ACSM3: variants seen among roughly 807,000 people sequenced by gnomAD.
The protein encoded by ACSM3 is acyl-coenzyme A synthetase ACSM3, mitochondrial.
Under a neutral mutation model 74.1 loss-of-function variants are expected in ACSM3, and 61 were observed. That is an observed-to-expected ratio of 0.82 (90% CI 0.67 to 1.02). ACSM3 has a LOEUF of 1.02. Ranked by LOEUF, ACSM3 falls within the 50% of genes least tolerant of loss-of-function variation. The pLI is 0.00. For missense variants in ACSM3, 660 were observed against 697.0 expected (o/e 0.95, Z 0.60); for synonymous variants, 213 against 241.5 (o/e 0.88, Z 1.09).
rs71377684 is a variant in ACSM3, at chr16:20,774,239, C to CTTT, written c.220-1581_220-1579dup. Among the ~76,000 whole-genome samples, 529 of 113,990 alleles carry CTTT rather than the reference C, an allele frequency of 4.6e-3. 19 individuals are homozygous for CTTT. The highest frequency in any genetic ancestry group is 0.014 in the African/African-American group (403 of 29,342). The allele number at this position is 113,990 out of a possible 152,430, so 74.8% of individuals were successfully genotyped here. A position where few individuals can be genotyped will look rare whatever the true frequency, so the allele number is the denominator to read the frequency against. ...TTTTCCATCTCTTCATTTTCTGTGT[C>CTTT]TTTTTTTTTTTTTTTTTTTTTGAGA... is the stretch of plus-strand genomic sequence containing the variant. On this transcript the variant is annotated intron_variant, in intron 2 of 13. Coordinates refer to ENST00000289416, the MANE Select transcript of ACSM3 (RefSeq NM_005622.4).
At chr16:20,764,482 C>T (rs557427338) in intron 1 of ACSM3, among the ~76,000 whole-genome samples, 1 of 152,054 alleles carries the variant, frequency 6.6e-6, no homozygotes, top group African/African-American at 2.4e-5. Context: ...CTTTAGGAGG[C>T]TATGGTGGGC....
At chr16:20,696,740 T>C (rs1853690200) in intron 1 of ACSM3, among the ~76,000 whole-genome samples, 2 of 152,228 alleles carry the variant, frequency 1.3e-5, no homozygotes, top group African/African-American at 4.8e-5. Context: ...TATTCCCAGA[T>C]ACATAGTGCC....
intron 1 of ACSM3, among the ~76,000 whole-genome samples, chr16:20,715,545 A>G (rs1359612305): frequency 6.6e-6 from 1 of 152,114 alleles, no homozygotes; most frequent in Non-Finnish European, 1.5e-5. Context: ...TGGAGGTTGC[A>G]GTGAACCGAG....
chr16:20,701,231 T>A (rs2079711941), intron 1 of ACSM3, among the ~76,000 whole-genome samples: 1 of 152,194 alleles, frequency 6.6e-6, no homozygotes, highest in Admixed American at 6.5e-5. Context: ...TTTTTCCTGC[T>A]TATAGGCTGT....
intron 1 of ACSM3, among the ~76,000 whole-genome samples, chr16:20,765,247 T>G (rs2080113444): frequency 6.6e-6 from 1 of 152,184 alleles, no homozygotes; most frequent in Admixed American, 6.5e-5. Flanking sequence ...TCTCAGCAAT[T>G]TTACCTACAA....
chr16:20,797,359 C>T lies in ACSM3; in HGVS notation c.*387C>T. ...TCAAGCCTGAAATAAAACTAAAGAACTTATAAAAGTTTTTAGAAAAATATA... is the reference window on the plus strand; with the variant it reads ...TCAAGCCTGAAATAAAACTAAAGAATTTATAAAAGTTTTTAGAAAAATATA... On this transcript the variant is annotated 3_prime_UTR_variant, in exon 14 of 14. Transcript: ENST00000289416. 2.0e-6 allele frequency: 2 copies of T among 994,972 alleles called. No homozygotes were observed. Among genetic ancestry groups the T allele is most frequent in the Non-Finnish European group, 2.4e-6 (2 of 833,994 alleles). The allele number at this position is 994,972 out of a possible 1,614,324, so 61.6% of individuals were successfully genotyped here. A position where few individuals can be genotyped will look rare whatever the true frequency, so the allele number is the denominator to read the frequency against.
At chr16:20,778,757 C>CT (rs376175401) in intron 4 of ACSM3, among the ~76,000 whole-genome samples, 10,435 of 146,518 alleles carry the variant, frequency 0.071, 483 homozygotes, top group Admixed American at 0.12. Context: ...GCTATAGATA[C>CT]TTTTTTTTTT....
intron 1 of ACSM3, among the ~76,000 whole-genome samples, chr16:20,766,267 A>T (rs2080123940): frequency 6.6e-6 from 1 of 151,866 alleles, no homozygotes; most frequent in Non-Finnish European, 1.5e-5. Context: ...TTGCAAAATT[A>T]TACAAAAACT....
chr16:20,708,766 A>G (rs767057187), intron 1 of ACSM3, among the ~76,000 whole-genome samples: 2 of 152,234 alleles, frequency 1.3e-5, no homozygotes, highest in Non-Finnish European at 2.9e-5. Flanking sequence ...GAAAAAAACA[A>G]TTCTAAAATT....
chr16:20,711,428 G>A lies in ACSM3; in HGVS notation c.-190+36606G>A, dbSNP rs563943571. On this transcript the variant is annotated intron_variant, in intron 1 of 3. Transcript: ENST00000561584. ...AAGCCCAAATCTTCCACCGTCCACA[G>A]AGTCTCACTTAAGGGATGGCGGTTC... 21 of 820,596 alleles carry A rather than the reference G, an allele frequency of 2.6e-5. No individual in the cohort carries two copies. In the South Asian group the frequency reaches 2.6e-4, roughly 10 times the overall value. The allele number at this position is 820,596 out of a possible 1,614,324, so 50.8% of individuals were successfully genotyped here.
At chr16:20,741,899 G>C in intron 1 of ACSM3, 2 of 1,534,602 alleles carry the variant, frequency 1.3e-6, no homozygotes, top group Non-Finnish European at 1.7e-6. Context: ...AGGCCGGTCT[G>C]CAATCGTGAA....
At chr16:20,723,128 G>A (rs1309640423) in intron 1 of ACSM3, among the ~76,000 whole-genome samples, 4 of 152,006 alleles carry the variant, frequency 2.6e-5, no homozygotes, top group East Asian at 1.9e-4. Context: ...GTAAGAACAT[G>A]CGGTGTTTGG....
At chr16:20,762,585 G>T (rs2080086840), upstream of ACSM3, among the ~76,000 whole-genome samples, 2 of 152,150 alleles carry the variant, frequency 1.3e-5, no homozygotes, top group Admixed American at 6.5e-5. Flanking sequence ...ACCAAGCAAG[G>T]TTTATTCCAG....
intron 1 of ACSM3, among the ~76,000 whole-genome samples, chr16:20,717,216 T>C (rs1290303408): frequency 6.6e-6 from 1 of 152,188 alleles, no homozygotes; most frequent in East Asian, 1.9e-4. Context: ...CATCTCTTCC[T>C]CATGACTCTT....
intron 10 of ACSM3, among the ~76,000 whole-genome samples, chr16:20,791,313 C>G (rs1410394340): frequency 6.6e-6 from 1 of 152,176 alleles, no homozygotes; most frequent in African/African-American, 2.4e-5. Context: ...ACAAACCTGT[C>G]TGCTCTTTAT....
At chr16:20,780,246 C>A in intron 4 of ACSM3, 1 of 183,822 alleles carries the variant, frequency 5.4e-6, no homozygotes, top group East Asian at 1.5e-4. Flanking sequence ...CAGATTTTGC[C>A]AGTAGGCTGT....
intron 1 of ACSM3, chr16:20,711,706 C>A: frequency 2.1e-6 from 1 of 477,612 alleles, no homozygotes; most frequent in South Asian, 1.9e-5. Context: ...AGCCAATCTA[C>A]GCTGCCAGCA....
In ACSM3 at chr16:20,792,246, G is replaced by A; in HGVS notation, c.1465G>A (p.Gly489Arg). The part of the protein sequence containing the change: ...DVILSSGYRI[G>R]PFEVENALNE... Reference sequence around the variant, plus strand: ...CATATGTGTTTCTAGCTATCGAATTGGACCATTTGAGGTAGAAAATGCCCT... The same window carrying A: ...CATATGTGTTTCTAGCTATCGAATTAGACCATTTGAGGTAGAAAATGCCCT... The change falls in exon 12 of 14, where the codon GGA becomes AGA. Residue 489 changes from glycine (G) to arginine (R), a missense_variant. Gly to Arg is a moderately radical substitution (Grantham distance 125). Coordinates refer to ENST00000289416, the MANE Select transcript of ACSM3 (RefSeq NM_005622.4). 6.2e-7 allele frequency: 1 copy of A among 1,614,038 alleles called. No individual in the cohort carries two copies. Among genetic ancestry groups the A allele is most frequent in the East Asian group, 2.2e-5 (1 of 44,872 alleles).
intron 1 of ACSM3, among the ~76,000 whole-genome samples, chr16:20,683,126 ATT>A (rs60633738): frequency 2.7e-5 from 4 of 148,238 alleles, no homozygotes; most frequent in Admixed American, 2.7e-4. Context: ...TTATTTATTT[ATT>A]TTTTTTTAAG....
Sources: gnomAD v4.1 joint callset for allele counts (sites outside exome capture counted in the v4.1 genomes callset) on GRCh38, gnomAD v4.1.1 for gene constraint, MANE v1.5 for transcripts, NCBI Gene and HGNC (gene_info 2026-07-23, HGNC 2026-07-21) for gene names.